SLC9A2: variants seen among roughly 807,000 people sequenced by gnomAD.
SLC9A2 encodes sodium/hydrogen exchanger 2.
SLC9A2 carries 42 observed loss-of-function variants against 71.7 expected under a neutral mutation model. The observed-to-expected ratio is 0.59, with a 90% CI of 0.46 to 0.76. The LOEUF is 0.76. Ranked by LOEUF, SLC9A2 falls within the 30% of genes least tolerant of loss-of-function variation. SLC9A2 has a pLI of 0.00. For synonymous variants in SLC9A2, 396 were observed against 392.5 expected (o/e 1.01, Z -0.10); for missense variants, 829 against 1,017.4 (o/e 0.81, Z 2.52).
intron 1 of SLC9A2, among the ~76,000 whole-genome samples, chr2:102,643,684 G>A (rs1329410760): frequency 6.6e-6 from 1 of 152,138 alleles, no homozygotes; most frequent in East Asian, 1.9e-4. Context: ...GGTGTATAGA[G>A]TGGAATAAAG....
intron 9 of SLC9A2, 50 bp downstream of exon 9, chr2:102,702,552 A>T: frequency 8.8e-7 from 1 of 1,133,538 alleles, no homozygotes; most frequent in Non-Finnish European, 1.3e-6. Context: ...GGCTAACAGG[A>T]TGCCTTCTGG....
At chr2:102,653,974 T>C (rs145513895) in intron 1 of SLC9A2, among the ~76,000 whole-genome samples, 3,772 of 152,200 alleles carry the variant, frequency 0.025, 74 homozygotes, top group Non-Finnish European at 0.039. Context: ...GCAGGTGCAT[T>C]TGTGTCTGTT....
chr2:102,690,508 C>T (rs562361402), intron 5 of SLC9A2, among the ~76,000 whole-genome samples: 14 of 152,044 alleles, frequency 9.2e-5, no homozygotes, highest in Non-Finnish European at 1.3e-4. Flanking sequence ...TTCTGATTTT[C>T]GAAGATGGGA....
intron 3 of SLC9A2, among the ~76,000 whole-genome samples, chr2:102,669,175 A>T (rs372682260): frequency 2.6e-5 from 4 of 152,210 alleles, no homozygotes; most frequent in Non-Finnish European, 5.9e-5. Flanking sequence ...CAAGTAAATT[A>T]AATAATGAGG....
intron 11 of SLC9A2, among the ~76,000 whole-genome samples, chr2:102,707,215 A>G (rs1385485911): frequency 6.6e-6 from 1 of 151,960 alleles, no homozygotes; most frequent in Non-Finnish European, 1.5e-5. Context: ...CAATATACCC[A>G]TGTAACAAAT....
chr2:102,703,550 T>G (rs919516843), intron 9 of SLC9A2, among the ~76,000 whole-genome samples: 8 of 152,196 alleles, frequency 5.3e-5, no homozygotes, highest in Non-Finnish European at 1.0e-4. Context: ...TACTGTACCA[T>G]GTAGATACAG....
intron 1 of SLC9A2, among the ~76,000 whole-genome samples, chr2:102,621,295 C>T (rs1207054806): frequency 6.9e-6 from 1 of 144,804 alleles, no homozygotes; most frequent in East Asian, 2.0e-4. Context: ...TTGCAGTGAG[C>T]CATGAATGGC....
chr2:102,623,050 T>C (rs1676173834), intron 1 of SLC9A2, among the ~76,000 whole-genome samples: 1 of 152,200 alleles, frequency 6.6e-6, no homozygotes, highest in South Asian at 2.1e-4. Context: ...TATTTGTCTC[T>C]CCACTAGCAT....
intron 2 of SLC9A2, among the ~76,000 whole-genome samples, chr2:102,661,393 G>A (rs1205604070): frequency 6.6e-6 from 1 of 152,196 alleles, no homozygotes; most frequent in Non-Finnish European, 1.5e-5. Flanking sequence ...GTAACTTTAG[G>A]AAGATGGAGG....
rs60399341 is a variant in SLC9A2 at position 102,700,978 on chromosome 2, T to C, written c.1587-92T>C. 879 of 871,810 alleles carry C rather than the reference T, an allele frequency of 1.0e-3. 10 individuals carry two copies. The African/African-American group carries it at 0.014, about 14-fold the overall frequency. 54.0% of individuals were successfully genotyped at this position (871,810 alleles called of 1,614,324 possible). A position where few individuals can be genotyped will look rare whatever the true frequency, so the allele number is the denominator to read the frequency against. ...TAAATGCTGCTACTAAGTATTTTCC[T>C]GGGAATGGCAGAAATGACTTCATTG... On this transcript the variant is annotated intron_variant, in intron 7 of 11. Coordinates refer to ENST00000233969, the MANE Select transcript of SLC9A2 (RefSeq NM_003048.6).
intron 5 of SLC9A2, chr2:102,689,627 T>C (rs1677621410): frequency 6.6e-6 from 1 of 152,128 alleles, no homozygotes; most frequent in African/African-American, 2.4e-5. Context: ...TTAGGTGGGG[T>C]TCCATAGAAT....
At chr2:102,700,880 T>TACATATATACACATACACATATAC (rs1677860399) in intron 7 of SLC9A2, among the ~76,000 whole-genome samples, 190 bp from the exon 8 acceptor site, 1 of 152,064 alleles carries the variant, frequency 6.6e-6, no homozygotes, top group South Asian at 2.1e-4. Context: ...TACACATATA[T>TACATATATACACATACACATATAC]ACATATATAC....
chr2:102,699,871 C>G (rs1336938199), intron 7 of SLC9A2, among the ~76,000 whole-genome samples: 1 of 152,112 alleles, frequency 6.6e-6, no homozygotes, highest in East Asian at 1.9e-4. Flanking sequence ...CATCTTCCCT[C>G]TCTCTGTATG....
At position 102,683,382 on chromosome 2, in the gene SLC9A2, A is replaced by G. The variant is rs1220727496; in HGVS notation, c.1126A>G (p.Ile376Val). 6.2e-7 allele frequency: 1 copy of G among 1,614,186 alleles called. No homozygotes were observed. The highest frequency in any genetic ancestry group is 1.7e-5 in the Admixed American group (1 of 60,028). Residue 376 changes from isoleucine (I) to valine (V), a missense_variant, in exon 4 of 12, where the codon ATC becomes GTC. By Grantham distance (29) the Ile-to-Val change is conservative. Around this residue, in one of 3 missense-constraint regions of SLC9A2, gnomAD observed 500 missense variants for 726.3 expected, o/e 0.69. Transcript: ENST00000233969. ...LSSVSETLIFIFMGVSTVGKN... is the reference protein window; with the variant it reads ...LSSVSETLIFVFMGVSTVGKN... ...CAGTGTCAGCGAAACCTTGATCTTC[A>G]TCTTCATGGGTGTGTCTACCGTGGG...
At chr2:102,688,676 C>T (rs545915796) in intron 5 of SLC9A2, among the ~76,000 whole-genome samples, 5 of 152,108 alleles carry the variant, frequency 3.3e-5, no homozygotes, top group African/African-American at 7.2e-5. Flanking sequence ...TGCAGTGAGC[C>T]GAGATTTTGC....
At chr2:102,704,439 T>C in intron 9 of SLC9A2, 105 bp from the exon 10 acceptor site, 1 of 1,031,460 alleles carries the variant, frequency 9.7e-7, no homozygotes, top group Non-Finnish European at 1.4e-6. Context: ...AGTGCTTAGC[T>C]GAGGTGCAGA....
intron 9 of SLC9A2, among the ~76,000 whole-genome samples, chr2:102,703,206 C>A (rs1234135796): frequency 2.0e-5 from 3 of 152,162 alleles, no homozygotes; most frequent in Non-Finnish European, 4.4e-5. Flanking sequence ...CTTACCTGAC[C>A]CTTTTTCCTA....
chr2:102,668,591 T>TGA (rs1245707693), intron 3 of SLC9A2, among the ~76,000 whole-genome samples: 6 of 152,240 alleles, frequency 3.9e-5, no homozygotes, highest in Admixed American at 3.3e-4. Flanking sequence ...TTAAGGTTAA[T>TGA]GAGAGTGAAG....
At chr2:102,652,562 C>T (rs1430516282) in intron 1 of SLC9A2, among the ~76,000 whole-genome samples, 1 of 152,108 alleles carries the variant, frequency 6.6e-6, no homozygotes, top group East Asian at 1.9e-4. Context: ...ACCCTCACAC[C>T]CCCACTTCTC....
Sources: allele counts gnomAD v4.1 joint callset (sites outside exome capture counted in the v4.1 genomes callset), GRCh38; gene constraint gnomAD v4.1.1; regional missense constraint gnomAD v4.1.1; transcripts MANE v1.5; gene names NCBI Gene and HGNC (gene_info 2026-07-23, HGNC 2026-07-21).